The following KCTD8 variants were observed in gnomAD, a reference collection of about 807,000 sequenced individuals.
KCTD8 encodes the protein BTB/POZ domain-containing protein KCTD8.
A neutral mutation model predicts 31.5 loss-of-function variants in KCTD8; 27 were observed. The ratio of observed to expected loss-of-function variants is 0.86; its 90% CI spans 0.63 to 1.18. The LOEUF (loss-of-function observed/expected upper bound fraction) is 1.18, where lower values mean the gene tolerates loss of function less well. Ranked by LOEUF, KCTD8 falls within the 50% of genes most tolerant of loss-of-function variation. The pLI is 0.00. For missense variants in KCTD8, 658 were observed against 647.7 expected, an observed-to-expected ratio of 1.02 and a Z score of -0.17; for synonymous variants, 290 against 280.0, an observed-to-expected ratio of 1.04 and a Z score of -0.36.
At chr4:44,274,269 G>C (rs1560412821) in intron 1 of KCTD8, among the ~76,000 whole-genome samples, 1 of 151,842 alleles carries the variant, frequency 6.6e-6, no homozygotes, top group Non-Finnish European at 1.5e-5. Flanking sequence ...TGAGTCTACT[G>C]AATGGTGTCA....
At chr4:44,270,739 T>A (rs1199309778) in intron 1 of KCTD8, among the ~76,000 whole-genome samples, 1 of 152,104 alleles carries the variant, frequency 6.6e-6, no homozygotes, top group Non-Finnish European at 1.5e-5. Flanking sequence ...CCCAATAACT[T>A]TACTTTACGA....
intron 1 of KCTD8, among the ~76,000 whole-genome samples, chr4:44,374,894 C>A (rs968837700): frequency 6.6e-6 from 1 of 151,840 alleles, no homozygotes; most frequent in South Asian, 2.1e-4. Flanking sequence ...GTGAGAATTG[C>A]CAAAATGTGA....
At chr4:44,177,220 C>A (rs1041992496) in intron 1 of KCTD8, among the ~76,000 whole-genome samples, 4 of 152,076 alleles carry the variant, frequency 2.6e-5, no homozygotes, top group Non-Finnish European at 1.5e-5. Flanking sequence ...AGCTCTCTTG[C>A]CTTCTGGCTT....
chr4:44,397,205 A>C (rs756233689), intron 1 of KCTD8, among the ~76,000 whole-genome samples: 5 of 152,210 alleles, frequency 3.3e-5, no homozygotes, highest in African/African-American at 9.6e-5. Flanking sequence ...AGTTTCTATA[A>C]AAATGAAAAA....
At chr4:44,276,252 C>A (rs1409701937) in intron 1 of KCTD8, among the ~76,000 whole-genome samples, 4 of 151,974 alleles carry the variant, frequency 2.6e-5, no homozygotes, top group Non-Finnish European at 4.4e-5. Context: ...ACTTTTCATT[C>A]AACTAAGTTT....
chr4:44,323,049 G>A (rs1718339221), intron 1 of KCTD8, among the ~76,000 whole-genome samples: 2 of 151,956 alleles, frequency 1.3e-5, no homozygotes, highest in African/African-American at 4.8e-5. Context: ...TTTTGGCTCA[G>A]AATCGCTTTA....
intron 1 of KCTD8, among the ~76,000 whole-genome samples, chr4:44,190,913 C>A (rs776386174): frequency 6.6e-6 from 1 of 152,154 alleles, no homozygotes; most frequent in Non-Finnish European, 1.5e-5. Flanking sequence ...TTATTAGATG[C>A]AAATACCCTT....
At chr4:44,321,620 C>G (rs1332794395) in intron 1 of KCTD8, among the ~76,000 whole-genome samples, 2 of 152,158 alleles carry the variant, frequency 1.3e-5, no homozygotes, top group East Asian at 3.8e-4. Flanking sequence ...TTACAATATC[C>G]TTCTAGCTAT....
At chr4:44,248,412 C>A (rs1236665488) in intron 1 of KCTD8, among the ~76,000 whole-genome samples, 1 of 150,030 alleles carries the variant, frequency 6.7e-6, no homozygotes, top group Admixed American at 6.7e-5. Context: ...CTCCCAAACT[C>A]TAAACATTAT....
chr4:44,390,019 G>T (rs751622549), intron 1 of KCTD8, among the ~76,000 whole-genome samples: 3 of 151,824 alleles, frequency 2.0e-5, no homozygotes, highest in South Asian at 2.1e-4. Flanking sequence ...TGAGTTCCTT[G>T]TAGATTCTGG....
chr4:44,245,065 C>T (rs2109358775), intron 1 of KCTD8, among the ~76,000 whole-genome samples: 1 of 152,238 alleles, frequency 6.6e-6, no homozygotes, highest in Non-Finnish European at 1.5e-5. Context: ...ACATACTCAA[C>T]CATTCTCTCT....
At chr4:44,237,859 A>T (rs965699783) in intron 1 of KCTD8, among the ~76,000 whole-genome samples, 2 of 152,200 alleles carry the variant, frequency 1.3e-5, no homozygotes, top group Admixed American at 6.5e-5. Flanking sequence ...GGTACTGCTG[A>T]GAGATTAAAC....
intron 1 of KCTD8, among the ~76,000 whole-genome samples, chr4:44,309,038 G>T (rs549239372): frequency 6.6e-6 from 1 of 152,046 alleles, no homozygotes; most frequent in African/African-American, 2.4e-5. Context: ...TCAAACTGAC[G>T]TTTATTTATT....
chr4:44,374,946 C>T (rs1482293110), intron 1 of KCTD8, among the ~76,000 whole-genome samples: 1 of 151,824 alleles, frequency 6.6e-6, no homozygotes, highest in Non-Finnish European at 1.5e-5. Context: ...GAAAATGATG[C>T]TAAGATTGTT....
chr4:44,224,459 G>T (rs1346486070), intron 1 of KCTD8, among the ~76,000 whole-genome samples: 1 of 151,938 alleles, frequency 6.6e-6, no homozygotes, highest in Non-Finnish European at 1.5e-5. Flanking sequence ...CTCCATCTTT[G>T]CAGTTTCAGT....
chr4:44,267,687 T>C (rs1452342417), intron 1 of KCTD8, among the ~76,000 whole-genome samples: 8 of 151,710 alleles, frequency 5.3e-5, no homozygotes, highest in Admixed American at 2.6e-4. Context: ...ATCAAATAGA[T>C]GCAATAAAAA....
Position 44,323,318 on chromosome 4 carries a change from G to A in KCTD8, c.961+124245C>T, listed in dbSNP as rs188649708. 6.9e-3 allele frequency among the ~76,000 whole-genome samples: 1,052 copies of A among 151,758 alleles called. 25 individuals carry two copies. Among genetic ancestry groups the A allele is most frequent in the African/African-American group, 0.024 (998 of 41,272 alleles). On this transcript the variant is annotated intron_variant, in intron 1 of 1. Transcript: ENST00000360029. ...AGACCAGCCTGGCCAACATGGTGAAGCCCTCCCTCTTCTAAAAATACAAAA... is the reference window on the plus strand; with the variant it reads ...AGACCAGCCTGGCCAACATGGTGAAACCCTCCCTCTTCTAAAAATACAAAA...
At chr4:44,254,049 C>T (rs558362483) in intron 1 of KCTD8, among the ~76,000 whole-genome samples, 2 of 151,968 alleles carry the variant, frequency 1.3e-5, no homozygotes, top group African/African-American at 4.8e-5. Context: ...ACACAGTCAC[C>T]TGCAACCATA....
At chr4:44,305,037 T>C (rs1717760039) in intron 1 of KCTD8, among the ~76,000 whole-genome samples, 1 of 151,904 alleles carries the variant, frequency 6.6e-6, no homozygotes, top group Non-Finnish European at 1.5e-5. Flanking sequence ...TACATTAAAA[T>C]AGTATAAGAA....
Sources: gnomAD v4.1 joint callset for allele counts (sites outside exome capture counted in the v4.1 genomes callset) on GRCh38, gnomAD v4.1.1 for gene constraint, MANE v1.5 for transcripts, NCBI Gene and HGNC (gene_info 2026-07-23, HGNC 2026-07-21) for gene names.